Variants in FGFR2 observed in about 807,000 individuals in gnomAD.
FGFR2 encodes BEK fibroblast growth factor receptor.
FGFR2 carries 19 observed loss-of-function variants against 95.9 expected under a neutral mutation model. The ratio of observed to expected loss-of-function variants is 0.20; its 90% CI spans 0.14 to 0.29. The LOEUF (loss-of-function observed/expected upper bound fraction) is 0.29, where lower values mean the gene tolerates loss of function less well. Among genes scored for constraint, FGFR2 ranks in the 10% least tolerant of loss-of-function variants. The pLI, the probability that FGFR2 is intolerant of heterozygous loss-of-function variation, is 1.00. For synonymous variants in FGFR2, 392 were observed against 393.3 expected (o/e 1.00, Z 0.04); for missense variants, 707 against 1,056.9 (o/e 0.67, Z 4.59).
intron 2 of FGFR2, among the ~76,000 whole-genome samples, chr10:121,567,263 C>T (rs1857816894): frequency 6.6e-6 from 1 of 152,162 alleles, no homozygotes; most frequent in Admixed American, 6.5e-5. Flanking sequence ...CACAGGAGGC[C>T]CGGGGCTTCT....
chr10:121,508,327 A>C (rs1848591312), intron 9 of FGFR2, among the ~76,000 whole-genome samples: 1 of 152,210 alleles, frequency 6.6e-6, no homozygotes, highest in Admixed American at 6.5e-5. Flanking sequence ...CAGGAGATGA[A>C]GAATCCAGGA....
At chr10:121,578,919 A>G (rs184373725) in intron 2 of FGFR2, among the ~76,000 whole-genome samples, 3 of 152,352 alleles carry the variant, frequency 2.0e-5, no homozygotes, top group Admixed American at 2.0e-4. Flanking sequence ...TCAAAAGGAA[A>G]AAACAAAAAA....
intron 17 of FGFR2, 21 bp from the exon 18 acceptor site, chr10:121,480,042 C>A (rs1263597931): frequency 1.2e-6 from 2 of 1,605,176 alleles, no homozygotes; most frequent in South Asian, 1.1e-5. Context: ...GGAAGAGAGA[C>A]GTTTTATTTC....
chr10:121,597,116 A>T (rs1004500101), intron 1 of FGFR2, among the ~76,000 whole-genome samples: 1 of 152,164 alleles, frequency 6.6e-6, no homozygotes, highest in Non-Finnish European at 1.5e-5. Flanking sequence ...TCTGCAAGGG[A>T]GCGGGGTGCG....
intron 6 of FGFR2, among the ~76,000 whole-genome samples, chr10:121,537,314 C>T (rs1218143064): frequency 4.6e-5 from 7 of 152,220 alleles, no homozygotes; most frequent in African/African-American, 1.7e-4. Flanking sequence ...ATGGTTATAT[C>T]ATGCTTTCTA....
chr10:121,580,390 G>A (rs1860656901), intron 2 of FGFR2, among the ~76,000 whole-genome samples: 1 of 152,224 alleles, frequency 6.6e-6, no homozygotes, highest in Admixed American at 6.5e-5. Context: ...AGCAGCTGGA[G>A]ACTGGGAAAC....
chr10:121,537,139 T>G (rs1168502180), intron 6 of FGFR2, among the ~76,000 whole-genome samples: 1 of 152,248 alleles, frequency 6.6e-6, no homozygotes, highest in Non-Finnish European at 1.5e-5. Flanking sequence ...TGCCACATGT[T>G]TTCTCTATGG....
Position 121,501,167 on chromosome 10 carries a change from T to A in FGFR2, c.1440-220A>T, listed in dbSNP as rs376108247. 1.2e-4 allele frequency among the ~76,000 whole-genome samples: 18 copies of A among 152,352 alleles called. No individual in the cohort carries two copies. The East Asian group carries it at 3.5e-3, about 29-fold the overall frequency. ...GGTGGAACGGCTATTAAATTTCACA[T>A]TGGTATTCTCGGTTTATTTTCTTTA... On this transcript the variant is annotated intron_variant, in intron 10 of 17. Coordinates refer to ENST00000358487, the MANE Select transcript of FGFR2 (RefSeq NM_000141.5).
intron 2 of FGFR2, 123 bp downstream of exon 2, chr10:121,593,586 C>G (rs1186796560): frequency 1.2e-6 from 1 of 863,780 alleles, no homozygotes; most frequent in East Asian, 2.6e-5. Flanking sequence ...CAAGAGACCA[C>G]GATCTGGTGC....
chr10:121,488,528 G>A (rs1201869714), intron 13 of FGFR2, among the ~76,000 whole-genome samples: 1 of 118,690 alleles, frequency 8.4e-6, no homozygotes, highest in Non-Finnish European at 1.7e-5. Flanking sequence ...GTGACAGAGT[G>A]AGACTCTGTC....
chr10:121,581,144 G>C (rs1230652136), intron 2 of FGFR2, among the ~76,000 whole-genome samples: 5 of 152,220 alleles, frequency 3.3e-5, no homozygotes. Flanking sequence ...CGGCCTGGAG[G>C]CCGCCGGGAT....
At chr10:121,558,620 T>G (rs893887747) in intron 4 of FGFR2, among the ~76,000 whole-genome samples, 6 of 151,888 alleles carry the variant, frequency 4.0e-5, no homozygotes, top group Admixed American at 1.3e-4. Flanking sequence ...GTTTTTTTTT[T>G]TTTTTGAGAC....
rs2134052706 is a variant in FGFR2, at chr10:121,503,792, A to T, written c.1437T>A (p.Asp479Glu). 6.2e-7 allele frequency: 1 copy of T among 1,614,046 alleles called. No individual in the cohort carries two copies. Among genetic ancestry groups the T allele is most frequent in the Non-Finnish European group, 8.5e-7 (1 of 1,179,930 alleles). ...ACATGGCCAAGAGAAGTACTCACTT[A>T]TCTCTTGGAAACTCCCATTTTGGGT... ...PEDPKWEFPR[D>E]KLTLGKPLGE... The change falls in exon 10 of 18, where the codon GAT becomes GAA. Residue 479 changes from aspartate to glutamate, a missense_variant and splice_region_variant. By Grantham distance (45) the Asp-to-Glu change is conservative (BLOSUM62 2). Coordinates refer to ENST00000358487, the MANE Select transcript of FGFR2 (RefSeq NM_000141.5).
intron 2 of FGFR2, among the ~76,000 whole-genome samples, chr10:121,569,033 A>T (rs1590026935): frequency 6.6e-6 from 1 of 152,184 alleles, no homozygotes; most frequent in African/African-American, 2.4e-5. Context: ...CTGGTTTATT[A>T]TTGGTAAGAT....
rs944567855 is a variant in FGFR2, at chr10:121,478,333, T to G, written c.*1524A>C. 4.4e-6 allele frequency: 1 copy of G among 228,734 alleles called. No homozygotes were observed. Among genetic ancestry groups the G allele is most frequent in the African/African-American group, 2.2e-5 (1 of 45,106 alleles). The allele number at this position is 228,734 out of a possible 1,614,324, so 14.2% of individuals were successfully genotyped here. ...AAACCATTTGGTAAGACACGAGTATTAAAAAAATAAGTTGCGTGACATTTA... is the reference window on the plus strand; with the variant it reads ...AAACCATTTGGTAAGACACGAGTATGAAAAAAATAAGTTGCGTGACATTTA... On this transcript the variant is annotated 3_prime_UTR_variant, in exon 18 of 18. Transcript: ENST00000358487.
At chr10:121,566,106 A>C (rs889254186) in intron 2 of FGFR2, among the ~76,000 whole-genome samples, 1 of 152,228 alleles carries the variant, frequency 6.6e-6, no homozygotes, top group Non-Finnish European at 1.5e-5. Flanking sequence ...GTGAAACGTG[A>C]CTGTGCGCCA....
At chr10:121,565,808 T>C (rs1054573504) in intron 2 of FGFR2, 104 bp from the exon 3 acceptor site, 4 of 1,425,678 alleles carry the variant, frequency 2.8e-6, no homozygotes, top group Admixed American at 1.9e-5. Flanking sequence ...CAGGAGAAGC[T>C]GTTCTTGCTC....
intron 2 of FGFR2, among the ~76,000 whole-genome samples, chr10:121,569,957 T>C (rs1858357105): frequency 6.6e-6 from 1 of 151,854 alleles, no homozygotes; most frequent in South Asian, 2.1e-4. Flanking sequence ...AGAAAGAGGT[T>C]GGGGAGAATA....
At chr10:121,527,195 G>A (rs543741285) in intron 6 of FGFR2, among the ~76,000 whole-genome samples, 1 of 152,216 alleles carries the variant, frequency 6.6e-6, no homozygotes, top group Admixed American at 6.5e-5. Flanking sequence ...TGTATTATTA[G>A]TACCTTCCCT....
Sources: gnomAD v4.1 joint callset for allele counts (sites outside exome capture counted in the v4.1 genomes callset) on GRCh38, gnomAD v4.1.1 for gene constraint, MANE v1.5 for transcripts, NCBI Gene and HGNC (gene_info 2026-07-23, HGNC 2026-07-21) for gene names.